The following MMS22L variants were observed in gnomAD, a reference collection of about 807,000 sequenced individuals.
MMS22L encodes the protein MMS22 like, DNA repair protein.
MMS22L carries 74 observed loss-of-function variants against 159.1 expected under a neutral mutation model. The observed-to-expected ratio is 0.47, with a 90% CI of 0.39 to 0.56. MMS22L has a LOEUF of 0.56. Among genes scored for constraint, MMS22L ranks in the 20% least tolerant of loss-of-function variants. The pLI, the probability that MMS22L is intolerant of heterozygous loss-of-function variation, is 0.00. For missense variants in MMS22L, 1,351 were observed against 1,422.1 expected (o/e 0.95, Z 0.80); for synonymous variants, 517 against 506.9 (o/e 1.02, Z -0.27).
In MMS22L at chr6:97,231,668, A is replaced by G; in HGVS notation, c.1303-16T>C. 6.5e-7 allele frequency: 1 copy of G among 1,529,832 alleles called. No homozygotes were observed. Among genetic ancestry groups the G allele is most frequent in the African/African-American group, 1.4e-5 (1 of 72,430 alleles). The allele number at this position is 1,529,832 out of a possible 1,614,324, so 94.8% of individuals were successfully genotyped here. The stretch of plus-strand genomic sequence containing the variant: ...AGGAACTATTCTAAAAGGGGGGAAA[A>G]AAAAGATAGAAAACAATTATTAGTC... On this transcript the variant is annotated splice_polypyrimidine_tract_variant and intron_variant, in intron 12 of 24. Coordinates refer to ENST00000683635, the MANE Select transcript of MMS22L (RefSeq NM_001350599.2).
chr6:97,263,079 C>A (rs540810723), intron 9 of MMS22L, among the ~76,000 whole-genome samples: 1 of 151,848 alleles, frequency 6.6e-6, no homozygotes, highest in African/African-American at 2.4e-5. Flanking sequence ...TCTGATAGAA[C>A]AACAACAACA....
At position 97,199,563 on chromosome 6, in the gene MMS22L, C is replaced by T. The variant is rs17057499; in HGVS notation, c.2040-12873G>A. Among the ~76,000 whole-genome samples, 30 of 152,160 alleles carry T rather than the reference C, an allele frequency of 2.0e-4. No individual in the cohort carries two copies. The East Asian group carries it at 5.0e-3, about 25-fold the overall frequency. ...TCTTTGATAAATAATTTTTCTAAAACCTCTTAAGCATTCTGCATCCTCAAC... is the reference window on the plus strand; with the variant it reads ...TCTTTGATAAATAATTTTTCTAAAATCTCTTAAGCATTCTGCATCCTCAAC... On this transcript the variant is annotated intron_variant, in intron 14 of 24. Transcript: ENST00000683635.
chr6:97,161,235 G>A (rs1336870486), intron 22 of MMS22L, among the ~76,000 whole-genome samples: 1 of 151,962 alleles, frequency 6.6e-6, no homozygotes, highest in Non-Finnish European at 1.5e-5. Flanking sequence ...GTAACCTCAG[G>A]TACGCCCACA....
Position 97,229,422 on chromosome 6 carries a change from T to A in MMS22L, c.1530-19A>T, listed in dbSNP as rs1436976574. ...ATATATTCTGTAAAACATTAAAAAATGCTTTAATAAAATTGTTTCATTCAC... is the reference window on the plus strand; with the variant it reads ...ATATATTCTGTAAAACATTAAAAAAAGCTTTAATAAAATTGTTTCATTCAC... On this transcript the variant is annotated intron_variant, in intron 13 of 24. Coordinates refer to ENST00000683635, the MANE Select transcript of MMS22L (RefSeq NM_001350599.2). 1 of 1,469,206 alleles carries A rather than the reference T, an allele frequency of 6.8e-7. No homozygotes were observed. Among genetic ancestry groups the A allele is most frequent in the East Asian group, 2.4e-5 (1 of 41,962 alleles). The allele number at this position is 1,469,206 out of a possible 1,614,324, so 91.0% of individuals were successfully genotyped here.
At chr6:97,221,328 G>A (rs1455142914) in intron 14 of MMS22L, among the ~76,000 whole-genome samples, 1 of 151,994 alleles carries the variant, frequency 6.6e-6, no homozygotes, top group Non-Finnish European at 1.5e-5. Flanking sequence ...GACTGAAAAA[G>A]TGACCCAAAT....
intron 21 of MMS22L, among the ~76,000 whole-genome samples, chr6:97,162,675 C>A (rs997886867): frequency 6.6e-6 from 1 of 151,918 alleles, no homozygotes; most frequent in Non-Finnish European, 1.5e-5. Flanking sequence ...TCCTTCCTTC[C>A]TCCAGCAAGT....
intron 11 of MMS22L, among the ~76,000 whole-genome samples, chr6:97,243,867 T>C (rs1812343961): frequency 6.6e-6 from 1 of 152,084 alleles, no homozygotes; most frequent in South Asian, 2.1e-4. Flanking sequence ...TACTGGGGTC[T>C]GGGCTGGTAC....
intron 19 of MMS22L, among the ~76,000 whole-genome samples, chr6:97,171,203 T>C (rs1803509545): frequency 6.6e-6 from 1 of 152,110 alleles, no homozygotes; most frequent in Non-Finnish European, 1.5e-5. Context: ...TCAAAATACA[T>C]GACAATGGGA....
intron 14 of MMS22L, among the ~76,000 whole-genome samples, chr6:97,195,269 G>C (rs1269484271): frequency 1.3e-5 from 2 of 152,164 alleles, no homozygotes; most frequent in Non-Finnish European, 1.5e-5. Context: ...GGAGTCCAAA[G>C]TGGCTGAAGC....
At chr6:97,179,671 T>C (rs968065275) in intron 16 of MMS22L, 112 bp from the exon 17 acceptor site, 2 of 895,862 alleles carry the variant, frequency 2.2e-6, no homozygotes, top group African/African-American at 1.7e-5. Flanking sequence ...GCCTCATTGA[T>C]TTTTCAGACA....
In MMS22L at chr6:97,272,628, T is replaced by G. The variant is rs1442202339; in HGVS notation, c.606+76A>C. Reference sequence around the variant, plus strand: ...TCCAGAGCTGTAATTCTGACTAATTTCTCTCCTTCTTGAATGAATACTCCT... The same window carrying G: ...TCCAGAGCTGTAATTCTGACTAATTGCTCTCCTTCTTGAATGAATACTCCT... On this transcript the variant is annotated intron_variant, in intron 6 of 24. Coordinates refer to ENST00000683635, the MANE Select transcript of MMS22L (RefSeq NM_001350599.2). 15 of 1,318,690 alleles carry G rather than the reference T, an allele frequency of 1.1e-5. No individual in the cohort carries two copies. In the East Asian group the frequency reaches 1.9e-4, roughly 16 times the overall value. 81.7% of individuals were successfully genotyped at this position (1,318,690 alleles called of 1,614,324 possible).
chr6:97,218,781 G>A (rs1028790631), intron 14 of MMS22L, among the ~76,000 whole-genome samples: 1 of 152,120 alleles, frequency 6.6e-6, no homozygotes, highest in African/African-American at 2.4e-5. Context: ...AAAGAAAAGA[G>A]GTTTAATTGA....
At chr6:97,216,922 AC>A (rs1809076685) in intron 14 of MMS22L, among the ~76,000 whole-genome samples, 1 of 152,220 alleles carries the variant, frequency 6.6e-6, no homozygotes, top group Non-Finnish European at 1.5e-5. Flanking sequence ...TATTCCCTAA[AC>A]AACTGAATTG....
In MMS22L at chr6:97,216,745, G is replaced by A. The variant is rs185619173; in HGVS notation, c.2039+12149C>T. Reference sequence around the variant, plus strand: ...CATCTAAAGCTTCAAAGATCTGGGTGGTCTAAACACCTATAGTGAACCACA... The same window carrying A: ...CATCTAAAGCTTCAAAGATCTGGGTAGTCTAAACACCTATAGTGAACCACA... On this transcript the variant is annotated intron_variant, in intron 14 of 24. Coordinates refer to ENST00000683635, the MANE Select transcript of MMS22L (RefSeq NM_001350599.2). Among the ~76,000 whole-genome samples the A allele has an allele frequency of 5.7e-4, 87 of 152,140 alleles. 2 individuals are homozygous for A. Among genetic ancestry groups the A allele is most frequent in the Admixed American group, 2.9e-3 (45 of 15,286 alleles).
rs938883603 is a variant in MMS22L at position 97,151,715 on chromosome 6, T to G, written c.3482+56A>C. ...ATAATTAGTTATTTAAAAAACATGT[T>G]GGCTGTCAAATGGCTGGCAATAGTT... On this transcript the variant is annotated intron_variant, in intron 23 of 24. Transcript: ENST00000683635. 5 of 1,308,070 alleles carry G rather than the reference T, an allele frequency of 3.8e-6. No homozygotes were observed. In the African/African-American group the frequency reaches 7.3e-5, roughly 19 times the overall value. The allele number at this position is 1,308,070 out of a possible 1,614,324, so 81.0% of individuals were successfully genotyped here.
intron 14 of MMS22L, among the ~76,000 whole-genome samples, chr6:97,189,608 T>C (rs1805658025): frequency 7.3e-6 from 1 of 136,486 alleles, no homozygotes; most frequent in Non-Finnish European, 1.6e-5. Flanking sequence ...AAAAAACCAT[T>C]GTGAGGTAAA....
At chr6:97,194,781 C>T (rs992048070) in intron 14 of MMS22L, among the ~76,000 whole-genome samples, 21 of 152,078 alleles carry the variant, frequency 1.4e-4, no homozygotes, top group African/African-American at 4.6e-4. Context: ...AGAAAATGGG[C>T]GTGGAAGAGA....
chr6:97,177,711 T>C (rs904803793), intron 18 of MMS22L, among the ~76,000 whole-genome samples: 1 of 152,172 alleles, frequency 6.6e-6, no homozygotes, highest in Non-Finnish European at 1.5e-5. Context: ...CTAATTGTCA[T>C]ACAATTGTAC....
At chr6:97,244,171 C>A (rs758308202) in intron 11 of MMS22L, among the ~76,000 whole-genome samples, 5 of 152,064 alleles carry the variant, frequency 3.3e-5, no homozygotes, top group Admixed American at 6.5e-5. Context: ...TATGAGTTGC[C>A]GTAATGGCTT....
Sources: gnomAD v4.1 joint callset for allele counts (sites outside exome capture counted in the v4.1 genomes callset) on GRCh38, gnomAD v4.1.1 for gene constraint, MANE v1.5 for transcripts, NCBI Gene and HGNC (gene_info 2026-07-23, HGNC 2026-07-21) for gene names.